Variants in EXOG observed in about 807,000 individuals in gnomAD.
The protein encoded by EXOG is nuclease EXOG, mitochondrial.
A neutral mutation model predicts 25.8 loss-of-function variants in EXOG; 27 were observed. The ratio of observed to expected loss-of-function variants is 1.05; its 90% CI spans 0.77 to 1.45. The LOEUF (loss-of-function observed/expected upper bound fraction) is 1.45, where lower values mean the gene tolerates loss of function less well. Ranked by LOEUF, EXOG falls within the 40% of genes most tolerant of loss-of-function variation. The pLI is 0.00. For synonymous variants in EXOG, 133 were observed against 167.0 expected (o/e 0.80, Z 1.57); for missense variants, 458 against 450.5 (o/e 1.02, Z -0.15).
chr3:38,508,060 G>A (rs1255152657), intron 5 of EXOG, among the ~76,000 whole-genome samples: 1 of 152,142 alleles, frequency 6.6e-6, no homozygotes, highest in East Asian at 1.9e-4. Flanking sequence ...GAACCCAGGA[G>A]GCGGAGGTTG....
chr3:38,525,431 A>T lies in EXOG; in HGVS notation c.*1069A>T. On this transcript the variant is annotated 3_prime_UTR_variant, in exon 6 of 6. Transcript: ENST00000287675. ...AGTCTGGTTTCTCGTCTGCTATGCA[A>T]GCCAAAGGGACTTTAATGTTCTTTG... 3.0e-6 allele frequency: 3 copies of T among 985,398 alleles called. No individual in the cohort carries two copies. The highest frequency in any genetic ancestry group is 3.6e-6 in the Non-Finnish European group (3 of 829,918). The allele number at this position is 985,398 out of a possible 1,614,324, so 61.0% of individuals were successfully genotyped here. A position where few individuals can be genotyped will look rare whatever the true frequency, so the allele number is the denominator to read the frequency against.
At chr3:38,496,983 T>C (rs2059909348) in intron 1 of EXOG, 1 of 1,067,944 alleles carries the variant, frequency 9.4e-7, no homozygotes, top group South Asian at 2.6e-5. Context: ...ATGAGTTAAC[T>C]GCCCTTCTTT....
chr3:38,510,213 T>C (rs1010738968), intron 5 of EXOG, among the ~76,000 whole-genome samples: 2 of 152,066 alleles, frequency 1.3e-5, no homozygotes, highest in African/African-American at 4.8e-5. Flanking sequence ...TTTACAAAAG[T>C]GTTAGTGTCA....
rs551165229 is a variant in EXOG at position 38,525,511 on chromosome 3, A to G, written c.*1149A>G. ...AGACAGTCAGGAATATTTGGGAATT[A>G]GACGGCAATACTTTGTGGGGTTTAT... On this transcript the variant is annotated 3_prime_UTR_variant, in exon 6 of 6. Transcript: ENST00000287675. The G allele has an allele frequency of 1.0e-6, 1 of 985,336 alleles. No homozygotes were observed. Among genetic ancestry groups the G allele is most frequent in the African/African-American group, 1.7e-5 (1 of 57,248 alleles). The allele number at this position is 985,336 out of a possible 1,614,324, so 61.0% of individuals were successfully genotyped here.
At chr3:38,502,676 A>G in intron 3 of EXOG, among the ~76,000 whole-genome samples, 1 of 152,214 alleles carries the variant, frequency 6.6e-6, no homozygotes, top group East Asian at 1.9e-4. Flanking sequence ...TATCTAAAAT[A>G]CAATGTATAG....
chr3:38,500,588 C>T (rs2060016949), intron 2 of EXOG, among the ~76,000 whole-genome samples: 1 of 152,124 alleles, frequency 6.6e-6, no homozygotes, highest in Non-Finnish European at 1.5e-5. Context: ...CTTCATTGTT[C>T]TCCATTTTAC....
intron 1 of EXOG, 92 bp from the exon 2 acceptor site, chr3:38,497,537 T>C (rs2059927125): frequency 1.4e-6 from 2 of 1,452,234 alleles, no homozygotes; most frequent in Non-Finnish European, 1.8e-6. Context: ...GCTCTCCTTT[T>C]CCTTATAATC....
chr3:38,500,357 A>G (rs1388874620), intron 2 of EXOG, among the ~76,000 whole-genome samples: 1 of 152,176 alleles, frequency 6.6e-6, no homozygotes, highest in Admixed American at 6.5e-5. Flanking sequence ...AATTCCTACA[A>G]ATTGCTTTTC....
intron 5 of EXOG, among the ~76,000 whole-genome samples, chr3:38,508,048 T>G (rs2060255026): frequency 6.6e-6 from 1 of 152,062 alleles, no homozygotes. Context: ...GAAGAATCGC[T>G]TGAACCCAGG....
At chr3:38,521,269 C>T (rs1559699295) in intron 5 of EXOG, among the ~76,000 whole-genome samples, 1 of 152,048 alleles carries the variant, frequency 6.6e-6, no homozygotes, top group Non-Finnish European at 1.5e-5. Flanking sequence ...AGGATCACAC[C>T]TGTGATTCCT....
Position 38,497,626 on chromosome 3 carries a change from T to TTTTG in EXOG, c.164-3_164-2insTTTG. ...CCCCTTTTTTTTTTTTTTTCATTTT[T>TTTTG]AGGATCTGCAGAAAAGGCTGTCTTG... On this transcript the variant is annotated splice_region_variant and splice_polypyrimidine_tract_variant and intron_variant, in intron 1 of 5. Coordinates refer to ENST00000287675, the MANE Select transcript of EXOG (RefSeq NM_005107.4). 6.4e-7 allele frequency: 1 copy of TTTTG among 1,561,660 alleles called. No individual in the cohort carries two copies. Among genetic ancestry groups the TTTTG allele is most frequent in the Non-Finnish European group, 8.6e-7 (1 of 1,164,130 alleles).
chr3:38,497,905 A>C, intron 2 of EXOG, 127 bp downstream of exon 2: 1 of 1,215,820 alleles, frequency 8.2e-7, no homozygotes, highest in East Asian at 2.8e-5. Context: ...AATTATATTT[A>C]TATAACTTAC....
chr3:38,505,120 A>G (rs1479608167), intron 4 of EXOG, among the ~76,000 whole-genome samples: 1 of 152,200 alleles, frequency 6.6e-6, no homozygotes, highest in African/African-American at 2.4e-5. Flanking sequence ...ATAATTCTTT[A>G]TTACCAATTT....
chr3:38,524,124 T>A lies in EXOG; in HGVS notation c.869T>A (p.Ile290Asn). 6.2e-7 allele frequency: 1 copy of A among 1,614,088 alleles called. No individual in the cohort carries two copies. Among genetic ancestry groups the A allele is most frequent in the Non-Finnish European group, 8.5e-7 (1 of 1,179,948 alleles). The change falls in exon 6 of 6, where the codon ATC becomes AAC. Residue 290 changes from isoleucine to asparagine, a missense_variant. Physicochemically the swap from Ile to Asn is moderately radical, Grantham distance 149. Around this residue, in one of 3 missense-constraint regions of EXOG, gnomAD observed 178 missense variants for 203.7 expected, o/e 0.87. Coordinates refer to ENST00000287675, the MANE Select transcript of EXOG (RefSeq NM_005107.4). The part of the protein sequence containing the change: ...FFPHLDRTSD[I>N]RNICSVDTCK... ...CCTCATTTGGATAGAACTAGTGATA[T>A]CCGGAATATCTGCTCTGTGGACACC...
In EXOG at chr3:38,525,317, C is replaced by A. The variant is rs1467000865; in HGVS notation, c.*955C>A. ...AAAGACAGCTGAGGTAGATTCAAAT[C>A]TTTTCTGACATGGATGGTGGCTTTT... On this transcript the variant is annotated 3_prime_UTR_variant, in exon 6 of 6. Coordinates refer to ENST00000287675, the MANE Select transcript of EXOG (RefSeq NM_005107.4). The A allele has an allele frequency of 3.0e-6, 3 of 985,054 alleles. No individual in the cohort carries two copies. Among genetic ancestry groups the A allele is most frequent in the East Asian group, 1.1e-4 (1 of 8,812 alleles). 61.0% of individuals were successfully genotyped at this position (985,054 alleles called of 1,614,324 possible).
At position 38,506,837 on chromosome 3, in the gene EXOG, TTTTA is replaced by T; in HGVS notation, c.531-13_531-10del. The T allele has an allele frequency of 7.9e-7, 1 of 1,269,326 alleles. No homozygotes were observed. The allele number at this position is 1,269,326 out of a possible 1,614,324, so 78.6% of individuals were successfully genotyped here. The stretch of plus-strand genomic sequence containing the variant: ...ATATATGTGAGAATATCATACATTT[TTTTA>T]TTTGTTTTTCAGAATAGAAATGTAC... On this transcript the variant is annotated splice_polypyrimidine_tract_variant and intron_variant, in intron 4 of 5. Transcript: ENST00000287675.
At chr3:38,499,515 G>A (rs867978927) in intron 2 of EXOG, among the ~76,000 whole-genome samples, 2 of 152,318 alleles carry the variant, frequency 1.3e-5, no homozygotes, top group Middle Eastern at 3.4e-3. Context: ...ATGTACCTGT[G>A]TTTTACTTGA....
chr3:38,526,294 A>G lies in EXOG; in HGVS notation c.*1932A>G. On this transcript the variant is annotated 3_prime_UTR_variant, in exon 6 of 6. Coordinates refer to ENST00000287675, the MANE Select transcript of EXOG (RefSeq NM_005107.4). ...GCCAAGGCTTTCAGATAAAGATAAGATGATAATGATTGACATTGTTCTGCT... is the reference window on the plus strand; with the variant it reads ...GCCAAGGCTTTCAGATAAAGATAAGGTGATAATGATTGACATTGTTCTGCT... 2 of 965,940 alleles carry G rather than the reference A, an allele frequency of 2.1e-6. No individual in the cohort carries two copies. Among genetic ancestry groups the G allele is most frequent in the African/African-American group, 1.8e-5 (1 of 56,726 alleles). 59.8% of individuals were successfully genotyped at this position (965,940 alleles called of 1,614,324 possible).
chr3:38,503,514 T>C lies in EXOG; in HGVS notation c.454-101T>C. Reference sequence around the variant, plus strand: ...CAAGTAGTCAATAATTGCCTAGCACTAATGTTTAAATAAGAAAGTGTTTTT... The same window carrying C: ...CAAGTAGTCAATAATTGCCTAGCACCAATGTTTAAATAAGAAAGTGTTTTT... On this transcript the variant is annotated intron_variant, in intron 3 of 5. Coordinates refer to ENST00000287675, the MANE Select transcript of EXOG (RefSeq NM_005107.4). 3 of 656,388 alleles carry C rather than the reference T, an allele frequency of 4.6e-6. No individual in the cohort carries two copies. The Admixed American group carries it at 7.4e-5, about 16-fold the overall frequency. The allele number at this position is 656,388 out of a possible 1,614,324, so 40.7% of individuals were successfully genotyped here. A position where few individuals can be genotyped will look rare whatever the true frequency, so the allele number is the denominator to read the frequency against.
Sources: gnomAD v4.1 joint callset for allele counts (sites outside exome capture counted in the v4.1 genomes callset) on GRCh38, gnomAD v4.1.1 for gene constraint, gnomAD v4.1.1 regional missense constraint, MANE v1.5 for transcripts, NCBI Gene and HGNC (gene_info 2026-07-23, HGNC 2026-07-21) for gene names.